Variants in TP63 observed in about 807,000 individuals in gnomAD.
TP63 encodes the protein tumor protein p63, also known as tumor protein 63.
TP63 carries 17 observed loss-of-function variants against 82.8 expected under a neutral mutation model. That is an observed-to-expected ratio of 0.21 (90% CI 0.14 to 0.31). TP63 has a LOEUF of 0.31. Among genes scored for constraint, TP63 ranks in the 10% least tolerant of loss-of-function variants. The probability of loss-of-function intolerance (pLI) is 1.00; values close to 1 mark genes in which losing one functional copy is unlikely to be tolerated. For synonymous variants in TP63, 330 were observed against 321.7 expected (o/e 1.03, Z -0.28); for missense variants, 648 against 895.3 (o/e 0.72, Z 3.52).
At chr3:189,880,356 G>A (rs941921354) in intron 10 of TP63, 4 of 1,259,420 alleles carry the variant, frequency 3.2e-6, no homozygotes, top group Non-Finnish European at 3.0e-6. Flanking sequence ...TCTTTTGAAG[G>A]GACTCAAACC....
At chr3:189,738,012 T>A in intron 2 of TP63, 144 bp downstream of exon 2, 1 of 1,000,822 alleles carries the variant, frequency 1.0e-6, no homozygotes, top group East Asian at 2.6e-5. Context: ...GCCATCTCTT[T>A]GTTCAAATTC....
At chr3:189,705,453 C>G (rs1395738651) in intron 1 of TP63, among the ~76,000 whole-genome samples, 1 of 151,062 alleles carries the variant, frequency 6.6e-6, no homozygotes, top group Non-Finnish European at 1.5e-5. Context: ...TCTTTCTTTT[C>G]TTTTTCTTTT....
intron 4 of TP63, among the ~76,000 whole-genome samples, chr3:189,819,394 T>G (rs1015473392): frequency 6.6e-6 from 1 of 152,090 alleles, no homozygotes; most frequent in Non-Finnish European, 1.5e-5. Flanking sequence ...GCTGCACCCA[T>G]TAACTTGTCA....
chr3:189,676,167 T>C (rs1715379311), intron 1 of TP63, among the ~76,000 whole-genome samples: 1 of 152,132 alleles, frequency 6.6e-6, no homozygotes, highest in South Asian at 2.1e-4. Context: ...GTGTGTGTGA[T>C]GAGGACACTT....
intron 3 of TP63, among the ~76,000 whole-genome samples, chr3:189,786,309 G>A (rs1724596055): frequency 6.6e-6 from 1 of 151,878 alleles, no homozygotes; most frequent in Non-Finnish European, 1.5e-5. Context: ...GCTGGGAAAG[G>A]CCTTTCACGC....
intron 3 of TP63, among the ~76,000 whole-genome samples, chr3:189,756,051 A>T (rs1577356800): frequency 6.6e-6 from 1 of 152,262 alleles, no homozygotes; most frequent in South Asian, 2.1e-4. Flanking sequence ...GGGCTAGACA[A>T]AGTCTATTTC....
intron 10 of TP63, among the ~76,000 whole-genome samples, chr3:189,885,702 G>A (rs1720372695): frequency 6.6e-6 from 1 of 152,136 alleles, no homozygotes; most frequent in African/African-American, 2.4e-5. Flanking sequence ...TTTTTCTGTT[G>A]CTTTGTTTTT....
chr3:189,894,167 CT>C, intron 13 of TP63, 38 bp from the exon 14 acceptor site: 1 of 1,613,600 alleles, frequency 6.2e-7, no homozygotes. Flanking sequence ...GTTTTTCTCC[CT>C]GTTTTCATTC....
At position 189,896,292 on chromosome 3, in the gene TP63, T is replaced by G. The variant is rs1721465195; in HGVS notation, c.*1790T>G. ...GCATACTTTGTATTTTGATTATTTT[T>G]TTTTTCTTCTTGGGATAGTGGGATT... On this transcript the variant is annotated 3_prime_UTR_variant, in exon 14 of 14. Transcript: ENST00000264731. The G allele has an allele frequency of 4.6e-6, 1 of 215,254 alleles. No individual in the cohort carries two copies. Among genetic ancestry groups the G allele is most frequent in the Admixed American group, 5.8e-5 (1 of 17,124 alleles). The allele number at this position is 215,254 out of a possible 1,614,324, so 13.3% of individuals were successfully genotyped here. A position where few individuals can be genotyped will look rare whatever the true frequency, so the allele number is the denominator to read the frequency against.
intron 1 of TP63, among the ~76,000 whole-genome samples, chr3:189,659,080 T>C (rs755430280): frequency 3.3e-5 from 5 of 152,076 alleles, no homozygotes; most frequent in Non-Finnish European, 7.4e-5. Context: ...ATTTCAACTT[T>C]TATTTTAGAT....
chr3:189,881,222 C>T (rs1040085579), intron 10 of TP63: 1 of 985,258 alleles, frequency 1.0e-6, no homozygotes, highest in Admixed American at 6.2e-5. Context: ...GTGTTAAAAT[C>T]AGCACTCCTG....
At chr3:189,609,697 C>G in the TP63 span, among the ~76,000 whole-genome samples, 1 of 152,282 alleles carries the variant, frequency 6.6e-6, no homozygotes, top group Admixed American at 6.5e-5. Context: ...CATGTTCATG[C>G]AAAAGACTTG....
intron 10 of TP63, among the ~76,000 whole-genome samples, chr3:189,882,326 A>G (rs549763276): frequency 6.6e-6 from 1 of 152,298 alleles, no homozygotes; most frequent in African/African-American, 2.4e-5. Context: ...AGAAAATTAC[A>G]GTTTTCCCAT....
the TP63 span, among the ~76,000 whole-genome samples, chr3:189,613,634 A>T: frequency 6.6e-6 from 1 of 152,144 alleles, no homozygotes; most frequent in Non-Finnish European, 1.5e-5. Flanking sequence ...AGATTCACTG[A>T]CAGCTTGCAT....
chr3:189,651,862 A>T (rs1224477711), intron 1 of TP63, among the ~76,000 whole-genome samples: 1 of 147,258 alleles, frequency 6.8e-6, no homozygotes, highest in Non-Finnish European at 1.5e-5. Context: ...GGTACAGCTA[A>T]GGCTATTGCT....
In TP63 at chr3:189,754,733, T is replaced by C. The variant is rs1332322688; in HGVS notation, c.324+15959T>C. Among the ~76,000 whole-genome samples, 3 of 152,164 alleles carry C rather than the reference T, an allele frequency of 2.0e-5. No individual in the cohort carries two copies. In the East Asian group the frequency reaches 5.8e-4, roughly 29 times the overall value. On this transcript the variant is annotated intron_variant, in intron 3 of 13. Transcript: ENST00000264731. ...AGTCTGACACCAATATCAAGCTCAC[T>C]ACAAAGAAAGCATCTCTATTTTCCT...
intron 1 of TP63, among the ~76,000 whole-genome samples, chr3:189,642,175 A>T (rs1449442173): frequency 6.6e-6 from 1 of 152,202 alleles, no homozygotes; most frequent in Non-Finnish European, 1.5e-5. Context: ...TTAAGTTAAT[A>T]GATGTAAGAT....
intron 1 of TP63, among the ~76,000 whole-genome samples, chr3:189,713,110 A>G (rs1318433959): frequency 2.6e-5 from 4 of 152,194 alleles, no homozygotes; most frequent in Admixed American, 2.6e-4. Context: ...GCTTATGGTC[A>G]GATAGATTGA....
chr3:189,772,872 A>G (rs981207877), intron 3 of TP63, among the ~76,000 whole-genome samples: 38 of 152,178 alleles, frequency 2.5e-4, no homozygotes. Context: ...ATAAGCAGAT[A>G]AGTGGGGTAA....
Sources: allele counts gnomAD v4.1 joint callset (sites outside exome capture counted in the v4.1 genomes callset), GRCh38; gene constraint gnomAD v4.1.1; transcripts MANE v1.5; gene names NCBI Gene and HGNC (gene_info 2026-07-23, HGNC 2026-07-21).